TASL: variants seen among roughly 807,000 people sequenced by gnomAD.
TASL encodes TLR adaptor interacting with endolysosomal SLC15A4.
TASL carries 6 observed loss-of-function variants against 12.9 expected under a neutral mutation model. That is an observed-to-expected ratio of 0.46 (90% CI 0.25 to 0.92). The LOEUF (loss-of-function observed/expected upper bound fraction) is 0.92. Among genes scored for constraint, TASL ranks in the 40% least tolerant of loss-of-function variants. The probability of loss-of-function intolerance (pLI) is 0.17; values close to 1 mark genes in which losing one functional copy is unlikely to be tolerated. For missense variants in TASL, 165 were observed against 212.8 expected (o/e 0.78, Z 1.40); for synonymous variants, 85 against 79.3 (o/e 1.07, Z -0.38).
rs1930394887 is a variant in TASL at position 30,560,065 on chromosome X, C to G, written c.291G>C (p.Leu97Phe). 8.3e-7 allele frequency: 1 copy of G among 1,209,968 alleles called. No homozygotes were observed. Among genetic ancestry groups the G allele is most frequent in the African/African-American group, 1.7e-5 (1 of 57,221 alleles). ...CATCTCTACATATTTCAACTGCAGC[C>G]AAGTTTGGGCTTTCAAACACAGGAT... ...NPNPVFESPN[L>F]AAVEICRDAS... Residue 97 changes from leucine to phenylalanine, a missense_variant, in exon 3 of 3, where the codon TTG (leucine) becomes TTC (phenylalanine). Physicochemically the swap from Leu to Phe is conservative, Grantham distance 22 (BLOSUM62 0). Coordinates refer to ENST00000378962, the MANE Select transcript of TASL (RefSeq NM_025159.3).
intron 2 of TASL, among the ~76,000 whole-genome samples, chrX:30,565,205 A>G (rs1199176201): frequency 8.9e-6 from 1 of 111,738 alleles, no homozygotes; most frequent in Non-Finnish European, 1.9e-5. Context: ...AAGGATAGCC[A>G]GGACTGGGAA....
At chrX:30,561,912 C>A (rs1357098339) in intron 2 of TASL, among the ~76,000 whole-genome samples, 2 of 109,474 alleles carry the variant, frequency 1.8e-5, no homozygotes, top group Non-Finnish European at 3.8e-5. Context: ...GAAGTTCTGC[C>A]CTCAAACCTA....
At chrX:30,560,421 T>C in intron 2 of TASL, 65 bp from the exon 3 acceptor site, 1 of 780,959 alleles carries the variant, frequency 1.3e-6, no homozygotes, top group South Asian at 2.8e-5. Context: ...AGTTGGCACT[T>C]GATATATCAA....
intron 2 of TASL, among the ~76,000 whole-genome samples, chrX:30,573,666 C>T (rs1930662932): frequency 9.0e-6 from 1 of 111,281 alleles, no homozygotes; most frequent in South Asian, 3.8e-4. Context: ...GCCTGTAATC[C>T]CAGCACTTTG....
rs1282574812 is a variant in TASL, at chrX:30,559,785, T to C, written c.571A>G (p.Thr191Ala). The C allele has an allele frequency of 8.3e-7, 1 of 1,209,347 alleles. No homozygotes were observed. The highest frequency in any genetic ancestry group is 1.1e-6 in the Non-Finnish European group (1 of 894,746). Residue 191 changes from threonine (T) to alanine (A), a missense_variant, in exon 3 of 3, where the codon ACA becomes GCA. Physicochemically the swap from Thr to Ala is moderately conservative, Grantham distance 58. Transcript: ENST00000378962. Reference protein sequence around the residue: ...IQRYSSYWRITSIKEKSSLQM... With the variant: ...IQRYSSYWRIASIKEKSSLQM... ...AAGCTGCTTTTCTCTTTGATGCTTG[T>C]TATTCTCCAATAGGATGAGTACCGC... is the stretch of plus-strand genomic sequence containing the variant.
intron 2 of TASL, among the ~76,000 whole-genome samples, chrX:30,574,601 G>A: frequency 9.0e-6 from 1 of 111,602 alleles, no homozygotes. Context: ...AATGGGATGG[G>A]ACTGCCTTCC....
intron 2 of TASL, among the ~76,000 whole-genome samples, chrX:30,570,159 T>G (rs904570588): frequency 3.6e-5 from 4 of 110,549 alleles, no homozygotes; most frequent in African/African-American, 1.3e-4. Context: ...TGTCTTTTCC[T>G]TCACACTTAA....
chrX:30,571,284 A>AAGAAAGAAAGAAAGAAAG (rs1207057670), intron 2 of TASL, among the ~76,000 whole-genome samples: 3 of 85,552 alleles, frequency 3.5e-5, no homozygotes, highest in African/African-American at 1.5e-4. Context: ...GAAAGAAAGA[A>AAGAAAGAAAGAAAGAAAG]AGAAAGAAAG....
intron 2 of TASL, among the ~76,000 whole-genome samples, chrX:30,562,288 C>A (rs1353458391): frequency 9.0e-6 from 1 of 111,669 alleles, no homozygotes; most frequent in African/African-American, 3.3e-5. Flanking sequence ...AGACTGAGTC[C>A]CCCATGGAGG....
chrX:30,564,240 A>G (rs1219482958), intron 2 of TASL, among the ~76,000 whole-genome samples: 1 of 112,029 alleles, frequency 8.9e-6, no homozygotes, highest in Admixed American at 9.5e-5. Flanking sequence ...ATTATTTTGA[A>G]AGCAGAACAA....
At chrX:30,560,754 T>C (rs886317887) in intron 2 of TASL, among the ~76,000 whole-genome samples, 3 of 108,743 alleles carry the variant, frequency 2.8e-5, no homozygotes, top group Non-Finnish European at 5.7e-5. Flanking sequence ...TGCTAAAGAG[T>C]AATTAGGAGT....
At chrX:30,565,483 A>T (rs1197244036) in intron 2 of TASL, among the ~76,000 whole-genome samples, 1 of 112,016 alleles carries the variant, frequency 8.9e-6, no homozygotes, top group Non-Finnish European at 1.9e-5. Flanking sequence ...TAAATTAGAA[A>T]AAGCTAAGCA....
At chrX:30,561,860 TAA>T (rs5901952) in intron 2 of TASL, among the ~76,000 whole-genome samples, 1 of 96,562 alleles carries the variant, frequency 1.0e-5, no homozygotes. Flanking sequence ...TTATAAGGAT[TAA>T]AAAAAAAAAA....
chrX:30,559,762 G>A lies in TASL; in HGVS notation c.594C>T (p.Ser198=). ...WRITSIKEKS[S]LQMQNPISNA... is the part of the protein sequence containing the mutation. ...TAGAAATAGGATTCTGCATTTGCAA[G>A]CTGCTTTTCTCTTTGATGCTTGTTA... The change falls in exon 3 of 3, where the codon AGC becomes AGT. Residue 198 remains serine, a synonymous_variant. Coordinates refer to ENST00000378962, the MANE Select transcript of TASL (RefSeq NM_025159.3). 4 of 1,211,034 alleles carry A rather than the reference G, an allele frequency of 3.3e-6. No individual in the cohort carries two copies. The East Asian group carries it at 1.2e-4, about 36-fold the overall frequency.
chrX:30,559,666 C>T lies in TASL; in HGVS notation c.690G>A (p.Val230=). The change falls in exon 3 of 3, where the codon GTG becomes GTA. Residue 230 remains valine, a synonymous_variant. Coordinates refer to ENST00000378962, the MANE Select transcript of TASL (RefSeq NM_025159.3). The part of the protein sequence containing the change: ...ELYKQYIMDT[V]FHDSSPTQIL... ...TCTGGGTAGGAGAACTGTCATGAAA[C>T]ACGGTGTCCATAATGTACTGTTTAT... 8.3e-7 allele frequency: 1 copy of T among 1,208,627 alleles called. No homozygotes were observed. The highest frequency in any genetic ancestry group is 1.1e-6 in the Non-Finnish European group (1 of 892,894).
intron 2 of TASL, among the ~76,000 whole-genome samples, chrX:30,570,021 G>GA (rs60436877): frequency 3.0e-5 from 3 of 101,130 alleles, no homozygotes; most frequent in Non-Finnish European, 4.0e-5. Context: ...TGTCTAAAAA[G>GA]AAAAAAAAAA....
chrX:30,567,878 A>C (rs1265619829), intron 2 of TASL, among the ~76,000 whole-genome samples: 2 of 112,283 alleles, frequency 1.8e-5, no homozygotes, highest in Admixed American at 9.5e-5. Context: ...ATTTGACCCA[A>C]TTTATGTGCA....
At chrX:30,568,865 T>G in intron 2 of TASL, among the ~76,000 whole-genome samples, 1 of 109,107 alleles carries the variant, frequency 9.2e-6, no homozygotes, top group East Asian at 2.9e-4. Flanking sequence ...ATAAGAACCC[T>G]ATCATTCTGA....
rs149048407 is a variant in TASL, at chrX:30,575,976, C to G, written c.-2+776G>C. ...TGAGAGGACTAAAAAAATAAGAAAC[C>G]TATCATAATAGTATTGTACTGATAT... On this transcript the variant is annotated intron_variant, in intron 2 of 2. Transcript: ENST00000378962. Among the ~76,000 whole-genome samples the G allele has an allele frequency of 4.5e-3, 505 of 111,432 alleles. 1 individual carries two copies. The highest frequency in any genetic ancestry group is 7.4e-3 in the South Asian group (20 of 2,693).
Sources: gnomAD v4.1 joint callset for allele counts (sites outside exome capture counted in the v4.1 genomes callset) on GRCh38, gnomAD v4.1.1 for gene constraint, MANE v1.5 for transcripts, NCBI Gene and HGNC (gene_info 2026-07-23, HGNC 2026-07-21) for gene names.